The following CES3 variants were observed in gnomAD, a reference collection of about 807,000 sequenced individuals.
CES3 encodes the protein carboxylesterase 3, also known as carboxylesterase 3 (brain).
Under a neutral mutation model 57.6 loss-of-function variants are expected in CES3, and 49 were observed. The ratio of observed to expected loss-of-function variants is 0.85; its 90% confidence interval spans 0.68 to 1.08. The LOEUF (loss-of-function observed/expected upper bound fraction) is 1.08, where lower values mean the gene tolerates loss of function less well. Ranked by LOEUF, CES3 falls within the 50% of genes least tolerant of loss-of-function variation. The probability of loss-of-function intolerance (pLI) is 0.00; values close to 1 mark genes in which losing one functional copy is unlikely to be tolerated. For synonymous variants in CES3, 266 were observed against 281.6 expected (o/e 0.94, Z 0.55); for missense variants, 645 against 742.0 (o/e 0.87, Z 1.52).
In CES3 at chr16:66,972,426, C is replaced by T; in HGVS notation, c.1362C>T (p.Ala454=). 6.2e-7 allele frequency: 1 copy of T among 1,613,932 alleles called. No individual in the cohort carries two copies. The highest frequency in any genetic ancestry group is 8.5e-7 in the Non-Finnish European group (1 of 1,179,958). ...GTTCTTTTGCGAAGATCAAACCTGCCTGGGTGAAGGCTGATCATGGGGCCG... is the reference window on the plus strand; with the variant it reads ...GTTCTTTTGCGAAGATCAAACCTGCTTGGGTGAAGGCTGATCATGGGGCCG... The part of the protein sequence containing the change: ...RPSSFAKIKP[A]WVKADHGAEG... The change falls in exon 11 of 13, where the codon GCC becomes GCT. Residue 454 remains alanine (A), a synonymous_variant. Transcript: ENST00000303334.
chr16:66,969,766 CAA>C lies in CES3; in HGVS notation c.1143+8_1143+9del, dbSNP rs749512717. ...ACCCGTCTTGACCAGTCTGGTGAGA[CAA>C]GAGGCAGGAGGGAGGAAGCTAGGGC... On this transcript the variant is annotated splice_region_variant and intron_variant, in intron 9 of 12. Coordinates refer to ENST00000303334, the MANE Select transcript of CES3 (RefSeq NM_024922.6). The C allele has an allele frequency of 3.7e-6, 6 of 1,609,384 alleles. No individual in the cohort carries two copies. The East Asian group carries it at 9.0e-5, about 24-fold the overall frequency.
At chr16:66,971,005 C>T (rs1380104921) in intron 9 of CES3, among the ~76,000 whole-genome samples, 167 bp from the exon 10 acceptor site, 1 of 152,194 alleles carries the variant, frequency 6.6e-6, no homozygotes, top group African/African-American at 2.4e-5. Context: ...TGACTCCAAA[C>T]CTGAGCTTAT....
intron 1 of CES3, among the ~76,000 whole-genome samples, chr16:66,962,540 C>T (rs1963665230): frequency 6.6e-6 from 1 of 152,162 alleles, no homozygotes; most frequent in Non-Finnish European, 1.5e-5. Context: ...GAAAGGATTG[C>T]TTGAGCCCAG....
intron 9 of CES3, 23 bp from the exon 10 acceptor site, chr16:66,971,149 C>G (rs768141523): frequency 1.3e-5 from 21 of 1,605,940 alleles, no homozygotes; most frequent in Non-Finnish European, 1.7e-5. Flanking sequence ...CTGAGCAGGG[C>G]TGAGCCTGGC....
In CES3 at chr16:66,971,244, T is replaced by A; in HGVS notation, c.1216T>A (p.Cys406Ser). The part of the protein sequence containing the change: ...LGSNSDAQAK[C>S]QAFQEFMGDV... ...AAGCAACTCGGACGCACAAGCCAAA[T>A]GCCAGGCGTTCCAGGAATTCATGGG... is the stretch of plus-strand genomic sequence containing the variant. Residue 406 changes from cysteine (C) to serine (S), a missense_variant, in exon 10 of 13, where the codon TGC (cysteine) becomes AGC (serine). Physicochemically the swap from Cys to Ser is moderately radical, Grantham distance 112. Transcript: ENST00000303334. 6.2e-7 allele frequency: 1 copy of A among 1,614,084 alleles called. No homozygotes were observed. Among genetic ancestry groups the A allele is most frequent in the Non-Finnish European group, 8.5e-7 (1 of 1,179,968 alleles).
rs1374288503 is a variant in CES3 at position 66,972,877 on chromosome 16, C to A, written c.1544C>A (p.Pro515His). The A allele has an allele frequency of 1.2e-6, 2 of 1,614,050 alleles. No homozygotes were observed. Among genetic ancestry groups the A allele is most frequent in the African/African-American group, 2.7e-5 (2 of 74,932 alleles). Reference sequence around the variant, plus strand: ...AGGGACCCCAATAGCAAGGCTCTGCCTCCTTGGCCCCAATTCAACCAGGCG... The same window carrying A: ...AGGGACCCCAATAGCAAGGCTCTGCATCCTTGGCCCCAATTCAACCAGGCG... ...RTGDPNSKAL[P>H]PWPQFNQAEQ... is the part of the protein sequence containing the mutation. Residue 515 changes from proline (P) to histidine (H), a missense_variant, in exon 13 of 13, where the codon CCT (proline) becomes CAT (histidine). By Grantham distance (77) the Pro-to-His change is moderately conservative. Transcript: ENST00000303334.
In CES3 at chr16:66,971,709, A is replaced by AGTTTT. The variant is rs1335940486; in HGVS notation, c.1291+391_1291+392insTTTTG. Among the ~76,000 whole-genome samples, 307 of 77,730 alleles carry AGTTTT rather than the reference A, an allele frequency of 3.9e-3. 2 individuals are homozygous for AGTTTT. In the African/African-American group the frequency reaches 0.055, roughly 14 times the overall value. 51.0% of individuals were successfully genotyped at this position (77,730 alleles called of 152,430 possible). Reference sequence around the variant, plus strand: ...GCAGACCCAGAACAGTTCCAGACCCAGAACTTTGTGACCTTGGGCAAGATA... The same window carrying AGTTTT: ...GCAGACCCAGAACAGTTCCAGACCCAGTTTTGAACTTTGTGACCTTGGGCAAGATA... On this transcript the variant is annotated intron_variant, in intron 10 of 12. Transcript: ENST00000303334.
chr16:66,972,918 A>G lies in CES3; in HGVS notation c.1585A>G (p.Ile529Val), dbSNP rs755228012. ...CAACCAGGCGGAACAATATCTGGAG[A>G]TCAACCCAGTGCCACGGGCCGGACA... ...QFNQAEQYLEINPVPRAGQKF... is the reference protein window; with the variant it reads ...QFNQAEQYLEVNPVPRAGQKF... Residue 529 changes from isoleucine to valine, a missense_variant, in exon 13 of 13, where the codon ATC becomes GTC. Physicochemically the swap from Ile to Val is conservative, Grantham distance 29. Transcript: ENST00000303334. The G allele has an allele frequency of 2.0e-5, 32 of 1,614,026 alleles. No individual in the cohort carries two copies. Among genetic ancestry groups the G allele is most frequent in the Non-Finnish European group, 2.6e-5 (31 of 1,180,040 alleles).
chr16:66,969,337 C>T (rs1159257331), intron 8 of CES3, among the ~76,000 whole-genome samples: 3 of 152,090 alleles, frequency 2.0e-5, no homozygotes, highest in Non-Finnish European at 4.4e-5. Flanking sequence ...ACCCAGGAGG[C>T]GGAGGTTGCG....
At chr16:66,966,165 C>A in intron 6 of CES3, 79 bp from the exon 7 acceptor site, 2 of 1,287,716 alleles carry the variant, frequency 1.6e-6, no homozygotes, top group Non-Finnish European at 1.1e-6. Context: ...ACAGATGCAC[C>A]CTCTCTGTGG....
chr16:66,966,372 C>A (rs1290311020), intron 7 of CES3, 27 bp downstream of exon 7: 1 of 1,602,110 alleles, frequency 6.2e-7, no homozygotes. Context: ...GGGGATGGTG[C>A]CGGGCAATGG....
Position 66,969,770 on chromosome 16 carries a change from A to AGGCAGGAGGGAGGAAGCTAG in CES3, c.1143+32_1143+51dup, listed in dbSNP as rs757529689. ...GTCTTGACCAGTCTGGTGAGACAAGAGGCAGGAGGGAGGAAGCTAGGGCAG... is the reference window on the plus strand; with the variant it reads ...GTCTTGACCAGTCTGGTGAGACAAGAGGCAGGAGGGAGGAAGCTAGGGCAGGAGGGAGGAAGCTAGGGCAG... On this transcript the variant is annotated intron_variant, in intron 9 of 12. Coordinates refer to ENST00000303334, the MANE Select transcript of CES3 (RefSeq NM_024922.6). 8 of 1,608,488 alleles carry AGGCAGGAGGGAGGAAGCTAG rather than the reference A, an allele frequency of 5.0e-6. No individual in the cohort carries two copies. Among genetic ancestry groups the AGGCAGGAGGGAGGAAGCTAG allele is most frequent in the Admixed American group, 3.4e-5 (2 of 59,402 alleles).
Position 66,963,841 on chromosome 16 carries a change from G to T in CES3, c.466G>T (p.Ala156Ser). ...CCATGGAGGCGCTCTGATAACTGGC[G>T]CTGCCACCTCCTACGATGGATCAGC... ...WVHGGALITG[A>S]ATSYDGSALA... is the part of the protein sequence containing the mutation. Residue 156 changes from alanine (A) to serine (S), a missense_variant, in exon 4 of 13, where the codon GCT (alanine) becomes TCT (serine). Physicochemically the swap from Ala to Ser is moderately conservative, Grantham distance 99. Coordinates refer to ENST00000303334, the MANE Select transcript of CES3 (RefSeq NM_024922.6). This position sits in a 1 kb window ranked among gnomAD's most constrained non-coding sequence, Gnocchi z 4.9. 1 of 1,614,158 alleles carries T rather than the reference G, an allele frequency of 6.2e-7. No individual in the cohort carries two copies. Among genetic ancestry groups the T allele is most frequent in the Non-Finnish European group, 8.5e-7 (1 of 1,179,982 alleles).
At chr16:66,967,586 C>A (rs1162359815) in intron 8 of CES3, 3 of 985,322 alleles carry the variant, frequency 3.0e-6, no homozygotes, top group Non-Finnish European at 3.6e-6. Context: ...CATAGAACTT[C>A]CCACAAGAGT....
Position 66,963,799 on chromosome 16 carries a change from C to A in CES3, c.427-3C>A. ...GGTCAGTGCCCCATGGCCACCTCTGCAGGTCATGGTATGGGTCCATGGAGG... is the reference window on the plus strand; with the variant it reads ...GGTCAGTGCCCCATGGCCACCTCTGAAGGTCATGGTATGGGTCCATGGAGG... On this transcript the variant is annotated splice_polypyrimidine_tract_variant and splice_region_variant and intron_variant, in intron 3 of 12. Coordinates refer to ENST00000303334, the MANE Select transcript of CES3 (RefSeq NM_024922.6). The surrounding 1 kb of genome is among the most constrained non-coding windows in gnomAD (Gnocchi z 4.9). 1 of 1,612,220 alleles carries A rather than the reference C, an allele frequency of 6.2e-7. No individual in the cohort carries two copies. Among genetic ancestry groups the A allele is most frequent in the African/African-American group, 1.3e-5 (1 of 75,030 alleles).
chr16:66,970,323 G>T (rs904883211), intron 9 of CES3, among the ~76,000 whole-genome samples: 1 of 152,150 alleles, frequency 6.6e-6, no homozygotes, highest in Non-Finnish European at 1.5e-5. Flanking sequence ...GGCCAGGCTG[G>T]TCTCAAACTC....
At chr16:66,968,912 T>C (rs1179494158) in intron 8 of CES3, among the ~76,000 whole-genome samples, 2 of 152,034 alleles carry the variant, frequency 1.3e-5, no homozygotes, top group African/African-American at 4.8e-5. Context: ...AGACACTGTC[T>C]CACAAAATAC....
chr16:66,970,146 T>C (rs1043463925), intron 9 of CES3, among the ~76,000 whole-genome samples: 2 of 149,708 alleles, frequency 1.3e-5, no homozygotes, highest in Non-Finnish European at 3.0e-5. Flanking sequence ...TCTTGCTCTG[T>C]CGCCAAGGCT....
intron 4 of CES3, 137 bp downstream of exon 4, chr16:66,964,072 A>G: frequency 2.3e-6 from 3 of 1,322,458 alleles, no homozygotes; most frequent in Non-Finnish European, 3.1e-6. Context: ...AGAGAAGGGC[A>G]CCCCCCAAGC....
Sources: gnomAD v4.1 joint callset for allele counts (sites outside exome capture counted in the v4.1 genomes callset) on GRCh38, gnomAD v4.1.1 for gene constraint, Gnocchi (gnomAD v3.1) non-coding constraint, MANE v1.5 for transcripts, NCBI Gene and HGNC (gene_info 2026-07-23, HGNC 2026-07-21) for gene names.